The following PLB1 variants were observed in gnomAD, a reference collection of about 807,000 sequenced individuals.
The protein encoded by PLB1 is phospholipase B1, membrane-associated.
PLB1 carries 242 observed loss-of-function variants against 227.4 expected under a neutral mutation model. The observed-to-expected ratio is 1.06, with a 90% CI of 0.96 to 1.18. PLB1 has a LOEUF of 1.18. Among genes scored for constraint, PLB1 ranks in the 50% most tolerant of loss-of-function variants. The probability of loss-of-function intolerance (pLI) is 0.00; values close to 1 mark genes in which losing one functional copy is unlikely to be tolerated. For synonymous variants in PLB1, 757 were observed against 682.2 expected (o/e 1.11, Z -1.71); for missense variants, 1,858 against 1,816.3 (o/e 1.02, Z -0.42).
chr2:28,620,077 T>C (rs990523859), intron 46 of PLB1, among the ~76,000 whole-genome samples, 188 bp from the exon 47 acceptor site: 3 of 152,066 alleles, frequency 2.0e-5, no homozygotes, highest in Non-Finnish European at 4.4e-5. Context: ...GGTTACTGGC[T>C]GTAGGTAAAG....
chr2:28,629,269 G>A, intron 53 of PLB1, 84 bp downstream of exon 53: 1 of 1,226,356 alleles, frequency 8.2e-7, no homozygotes, highest in Non-Finnish European at 1.1e-6. Flanking sequence ...ACCAGTTGAG[G>A]CAGAGCCAGG....
intron 9 of PLB1, among the ~76,000 whole-genome samples, chr2:28,534,453 G>A (rs1024869575): frequency 6.6e-6 from 1 of 152,182 alleles, no homozygotes; most frequent in Non-Finnish European, 1.5e-5. Flanking sequence ...CGAGTTCATT[G>A]CATGTAGTAA....
At chr2:28,534,513 G>A (rs1671417662) in intron 9 of PLB1, among the ~76,000 whole-genome samples, 1 of 152,202 alleles carries the variant, frequency 6.6e-6, no homozygotes, top group South Asian at 2.1e-4. Flanking sequence ...ATGGATACTT[G>A]TACTGGATTG....
intron 49 of PLB1, among the ~76,000 whole-genome samples, chr2:28,621,216 C>T (rs1395532558): frequency 6.6e-6 from 1 of 152,166 alleles, no homozygotes; most frequent in African/African-American, 2.4e-5. Flanking sequence ...GAGGCAGGAT[C>T]AGACCATGCC....
At chr2:28,627,693 A>C (rs1235804794) in intron 51 of PLB1, among the ~76,000 whole-genome samples, 1 of 152,130 alleles carries the variant, frequency 6.6e-6, no homozygotes, top group Non-Finnish European at 1.5e-5. Flanking sequence ...TATGCCCATC[A>C]GTGTGCTGGA....
intron 2 of PLB1, 45 bp downstream of exon 2, chr2:28,516,914 A>G: frequency 6.3e-7 from 1 of 1,586,568 alleles, no homozygotes; most frequent in Non-Finnish European, 8.6e-7. Flanking sequence ...TGGAGGGGAG[A>G]GGGAGGATTT....
At chr2:28,511,330 A>T (rs1668234688) in intron 1 of PLB1, among the ~76,000 whole-genome samples, 1 of 152,214 alleles carries the variant, frequency 6.6e-6, no homozygotes, top group South Asian at 2.1e-4. Flanking sequence ...CACTTTAAAA[A>T]TTTAAGAATG....
Position 28,582,467 on chromosome 2 carries a change from C to T in PLB1, c.1695C>T (p.Tyr565=). The T allele has an allele frequency of 3.7e-6, 6 of 1,612,486 alleles. No individual in the cohort carries two copies. The highest frequency in any genetic ancestry group is 1.3e-5 in the African/African-American group (1 of 74,982). The part of the protein sequence containing the change: ...VLEIVNLREL[Y]QEKKVYCPRM... The stretch of plus-strand genomic sequence containing the variant: ...AGATCGTCAACCTGAGGGAGCTGTA[C>T]CAGGAGAAAAAAGTCTACTGCCCAA... Residue 565 remains tyrosine, a synonymous_variant, in exon 25 of 58, where the codon TAC becomes TAT. Coordinates refer to ENST00000327757, the MANE Select transcript of PLB1 (RefSeq NM_153021.5).
rs1668879887 is a variant in PLB1, at chr2:28,516,623, T to C, written c.56-185T>C. ...ATTCTGCCCTAATGGGTTGTGTTAA[T>C]GGAAGCACGGTGTCCCACACAATGG... is the stretch of plus-strand genomic sequence containing the variant. On this transcript the variant is annotated intron_variant, in intron 1 of 57. Coordinates refer to ENST00000327757, the MANE Select transcript of PLB1 (RefSeq NM_153021.5). Among the ~76,000 whole-genome samples the C allele has an allele frequency of 3.3e-5, 5 of 152,182 alleles. No homozygotes were observed. The South Asian group carries it at 1.0e-3, about 32-fold the overall frequency.
At chr2:28,559,333 G>A (rs1675659239) in intron 17 of PLB1, among the ~76,000 whole-genome samples, 1 of 152,254 alleles carries the variant, frequency 6.6e-6, no homozygotes, top group Non-Finnish European at 1.5e-5. Flanking sequence ...CCAGCCATCT[G>A]TGTTTTCACA....
chr2:28,626,467 T>G lies in PLB1; in HGVS notation c.3619T>G (p.Phe1207Val), dbSNP rs771770335. Residue 1207 changes from phenylalanine to valine, a missense_variant, in exon 51 of 58, where the codon TTC (phenylalanine) becomes GTC (valine). Phe to Val is a conservative substitution (Grantham distance 50). Transcript: ENST00000327757. ...GAAAGACTGGAAGCTGGTCACACTC[T>G]TCATTGGGGTCAACGACTTGTGTCA... ...LEKDWKLVTL[F>V]IGVNDLCHYC... 7 of 1,614,192 alleles carry G rather than the reference T, an allele frequency of 4.3e-6. No homozygotes were observed. The highest frequency in any genetic ancestry group is 5.9e-6 in the Non-Finnish European group (7 of 1,180,044).
rs750361959 is a variant in PLB1, at chr2:28,589,751, G to A, written c.1997G>A (p.Ser666Asn). 2 of 1,613,678 alleles carry A rather than the reference G, an allele frequency of 1.2e-6. No individual in the cohort carries two copies. The highest frequency in any genetic ancestry group is 8.5e-7 in the Non-Finnish European group (1 of 1,179,894). The stretch of plus-strand genomic sequence containing the variant: ...AGCAAGTCTCACTCCCGAGCAGCCA[G>A]TGCTCTCTGGAACAATATGGTAAGT... Reference protein sequence around the residue: ...FSSKSHSRAASALWNNMLEPV... With the variant: ...FSSKSHSRAANALWNNMLEPV... Residue 666 changes from serine (S) to asparagine (N), a missense_variant, in exon 28 of 58, where the codon AGT becomes AAT. Ser to Asn is a conservative substitution (Grantham distance 46). Coordinates refer to ENST00000327757, the MANE Select transcript of PLB1 (RefSeq NM_153021.5).
At chr2:28,631,150 C>CTA (rs1688573695) in intron 54 of PLB1, among the ~76,000 whole-genome samples, 2 of 115,190 alleles carry the variant, frequency 1.7e-5, no homozygotes, top group African/African-American at 8.2e-5. Flanking sequence ...GAGACCCTAT[C>CTA]TCAAAAAAAA....
intron 44 of PLB1, among the ~76,000 whole-genome samples, chr2:28,616,214 G>C (rs1358849785): frequency 1.3e-5 from 2 of 152,166 alleles, no homozygotes; most frequent in Non-Finnish European, 2.9e-5. Flanking sequence ...CAAATAGCTA[G>C]AACAGCAGAT....
rs187580421 is a variant in PLB1, at chr2:28,544,503, C to T, written c.936+1235C>T. Among the ~76,000 whole-genome samples the T allele has an allele frequency of 3.9e-5, 6 of 152,332 alleles. No individual in the cohort carries two copies. The East Asian group carries it at 5.8e-4, about 15-fold the overall frequency. On this transcript the variant is annotated intron_variant, in intron 14 of 57. Transcript: ENST00000327757. ...ACCACCATACCACCTTGTACCCTGC[C>T]CTTGTACCCTCCATGGTTCCAAGGG...
chr2:28,544,315 G>C (rs1672914056), intron 14 of PLB1, among the ~76,000 whole-genome samples: 1 of 152,246 alleles, frequency 6.6e-6, no homozygotes, highest in Admixed American at 6.5e-5. Flanking sequence ...TCCCATGATG[G>C]GCAGAGAAGA....
intron 1 of PLB1, among the ~76,000 whole-genome samples, chr2:28,497,163 A>T (rs116252796): frequency 0.025 from 3,790 of 152,140 alleles, 147 homozygotes; most frequent in African/African-American, 0.085. Flanking sequence ...TTTCCTATTG[A>T]TTTTTTAGGA....
chr2:28,581,353 G>A (rs779187628), intron 23 of PLB1, among the ~76,000 whole-genome samples: 2 of 151,888 alleles, frequency 1.3e-5, no homozygotes, highest in Non-Finnish European at 2.9e-5. Flanking sequence ...CGGGCCATAG[G>A]ACAGAGGCTG....
chr2:28,512,198 A>AT (rs1042767896), intron 1 of PLB1, among the ~76,000 whole-genome samples: 6 of 150,298 alleles, frequency 4.0e-5, no homozygotes, highest in African/African-American at 1.5e-4. Flanking sequence ...TTTCCTCTGT[A>AT]TTTTTTAGAA....
Sources: allele counts gnomAD v4.1 joint callset (sites outside exome capture counted in the v4.1 genomes callset), GRCh38; gene constraint gnomAD v4.1.1; transcripts MANE v1.5; gene names NCBI Gene and HGNC (gene_info 2026-07-23, HGNC 2026-07-21).